Variants in DNAH9 observed in about 807,000 individuals in gnomAD.
DNAH9 encodes dynein axonemal heavy chain 9.
In DNAH9, 345 loss-of-function variants were observed where a neutral mutation model predicts 471.6. The ratio of observed to expected loss-of-function variants is 0.73; its 90% CI spans 0.67 to 0.80. The LOEUF is 0.80. DNAH9 is among the 30% of genes least tolerant of loss of function. The pLI, the probability that DNAH9 is intolerant of heterozygous loss-of-function variation, is 0.00. For missense variants in DNAH9, 5,407 were observed against 5,609.2 expected (o/e 0.96, Z 1.15); for synonymous variants, 2,093 against 2,123.6 (o/e 0.99, Z 0.40).
chr17:11,884,429 G>A (rs573509153), intron 56 of DNAH9: 10 of 336,372 alleles, frequency 3.0e-5, no homozygotes, highest in African/African-American at 8.6e-5. Context: ...TCAGTCTCGC[G>A]CTTGCATCAG....
Position 11,626,834 on chromosome 17 carries a change from T to C in DNAH9, c.1351-2583T>C, listed in dbSNP as rs2072978643. On this transcript the variant is annotated intron_variant, in intron 6 of 68. Transcript: ENST00000262442. This position sits in a 1 kb window ranked among gnomAD's most constrained non-coding sequence, Gnocchi z 4.3. Reference sequence around the variant, plus strand: ...AGGGTTCCTAGCTCCTCTATCACCTTGCTGCTTTTTTTTCTGGAAGTATTA... The same window carrying C: ...AGGGTTCCTAGCTCCTCTATCACCTCGCTGCTTTTTTTTCTGGAAGTATTA... 6.6e-6 allele frequency among the ~76,000 whole-genome samples: 1 copy of C among 152,150 alleles called. No homozygotes were observed. Among genetic ancestry groups the C allele is most frequent in the Non-Finnish European group, 1.5e-5 (1 of 68,028 alleles).
At chr17:11,755,400 C>T (rs1325718521) in intron 33 of DNAH9, among the ~76,000 whole-genome samples, 2 of 152,120 alleles carry the variant, frequency 1.3e-5, no homozygotes, top group Non-Finnish European at 2.9e-5. Context: ...TGAATCCATA[C>T]AGTGTTTTGG....
At chr17:11,963,668 A>T (rs191565630) in intron 68 of DNAH9, among the ~76,000 whole-genome samples, 26,431 of 151,748 alleles carry the variant, frequency 0.17, 2,381 homozygotes, top group Admixed American at 0.21. Context: ...AATTTTTTTT[A>T]AAAAAAAGAA....
At chr17:11,930,737 C>G (rs1179547954) in intron 63 of DNAH9, among the ~76,000 whole-genome samples, 2 of 140,386 alleles carry the variant, frequency 1.4e-5, no homozygotes, top group Admixed American at 7.9e-5. Flanking sequence ...TGCACTCCAG[C>G]CTGGGCGACA....
At position 11,757,574 on chromosome 17, in the gene DNAH9, G is replaced by A. The variant is rs548784649; in HGVS notation, c.6877G>A (p.Gly2293Arg). The A allele has an allele frequency of 1.3e-4, 212 of 1,613,786 alleles. No homozygotes were observed. Among genetic ancestry groups the A allele is most frequent in the Non-Finnish European group, 1.4e-4 (170 of 1,179,834 alleles). ...GILYINPADL[G>R]WNPPVSSWIE... ...CTTGTACATCAACCCGGCAGACTTGGGATGGAACCCTCCAGTGAGCAGCTG... is the reference window on the plus strand; with the variant it reads ...CTTGTACATCAACCCGGCAGACTTGAGATGGAACCCTCCAGTGAGCAGCTG... Residue 2293 changes from glycine (G) to arginine (R), a missense_variant, in exon 35 of 69, where the codon GGA becomes AGA. Around this residue, in one of 3 missense-constraint regions of DNAH9, gnomAD observed 4,636 missense variants for 4,900.3 expected, o/e 0.95. Transcript: ENST00000262442.
intron 66 of DNAH9, among the ~76,000 whole-genome samples, 173 bp from the exon 67 acceptor site, chr17:11,942,130 C>T (rs1157239999): frequency 1.3e-5 from 2 of 152,208 alleles, no homozygotes; most frequent in Admixed American, 6.5e-5. Context: ...TCAGTCAGTC[C>T]TCAGCCCTGA....
At chr17:11,870,607 G>A (rs541319262) in intron 51 of DNAH9, among the ~76,000 whole-genome samples, 1 of 152,296 alleles carries the variant, frequency 6.6e-6, no homozygotes, top group East Asian at 1.9e-4. Context: ...CCGTTTAGCT[G>A]AACAGTTCAG....
chr17:11,820,748 T>C (rs1190292765), intron 45 of DNAH9, among the ~76,000 whole-genome samples: 1 of 152,246 alleles, frequency 6.6e-6, no homozygotes, highest in East Asian at 1.9e-4. Flanking sequence ...TATTTTGCTA[T>C]CATTGCTATA....
chr17:11,911,547 T>A (rs1325917074), intron 61 of DNAH9, among the ~76,000 whole-genome samples: 3 of 152,220 alleles, frequency 2.0e-5, no homozygotes, highest in Admixed American at 6.5e-5. Flanking sequence ...TTCTGTTTGT[T>A]TCCCTCATTC....
intron 31 of DNAH9, 66 bp downstream of exon 31, chr17:11,745,150 C>A: frequency 7.6e-7 from 1 of 1,320,390 alleles, no homozygotes; most frequent in Non-Finnish European, 1.1e-6. Context: ...AATGGGTTAT[C>A]CTTCATCCAT....
chr17:11,658,889 T>C (rs1323527313), intron 14 of DNAH9, among the ~76,000 whole-genome samples: 1 of 152,242 alleles, frequency 6.6e-6, no homozygotes, highest in African/African-American at 2.4e-5. Flanking sequence ...TTATAGTATT[T>C]GCTCTGATAA....
intron 62 of DNAH9, among the ~76,000 whole-genome samples, chr17:11,927,561 G>A (rs12950241): frequency 0.24 from 37,182 of 152,122 alleles, 5,399 homozygotes; most frequent in Non-Finnish European, 0.33. Context: ...AGATCTGATG[G>A]TTGTAGGTGT....
At chr17:11,803,415 C>T (rs1969545885) in intron 43 of DNAH9, among the ~76,000 whole-genome samples, 1 of 152,188 alleles carries the variant, frequency 6.6e-6, no homozygotes, top group African/African-American at 2.4e-5. Context: ...CGCACACACG[C>T]ACATGCGTGT....
At chr17:11,603,598 C>T (rs1455488446) in intron 1 of DNAH9, among the ~76,000 whole-genome samples, 1 of 152,168 alleles carries the variant, frequency 6.6e-6, no homozygotes, top group Non-Finnish European at 1.5e-5. Context: ...CTCTTCTCCC[C>T]TGCATTCATA....
intron 26 of DNAH9, among the ~76,000 whole-genome samples, chr17:11,717,106 C>G (rs1183611955): frequency 2.6e-5 from 4 of 152,258 alleles, no homozygotes; most frequent in Admixed American, 2.6e-4. Context: ...CCCAACTTTT[C>G]ACCCTAACCC....
intron 17 of DNAH9, 84 bp downstream of exon 17, chr17:11,669,878 C>T: frequency 1.7e-6 from 2 of 1,192,734 alleles, no homozygotes; most frequent in Middle Eastern, 2.0e-4. Flanking sequence ...ATTTTTTCCC[C>T]ATGGGTATGT....
chr17:11,853,073 T>C (rs1191078367), intron 49 of DNAH9: 1 of 151,758 alleles, frequency 6.6e-6, no homozygotes, highest in East Asian at 1.9e-4. Flanking sequence ...AGGGAGCTCC[T>C]GCCTAGGAGA....
chr17:11,785,657 A>G (rs2150900396), intron 41 of DNAH9, among the ~76,000 whole-genome samples: 1 of 152,318 alleles, frequency 6.6e-6, no homozygotes, highest in Non-Finnish European at 1.5e-5. Flanking sequence ...AGTTCAGGAT[A>G]CCACTCCTGA....
intron 28 of DNAH9, among the ~76,000 whole-genome samples, chr17:11,732,514 C>T (rs973955136): frequency 1.3e-5 from 2 of 151,988 alleles, no homozygotes; most frequent in African/African-American, 4.8e-5. Flanking sequence ...TGCTCCTCTT[C>T]CCAGTAACTC....
Sources: allele counts gnomAD v4.1 joint callset (sites outside exome capture counted in the v4.1 genomes callset), GRCh38; gene constraint gnomAD v4.1.1; regional missense constraint gnomAD v4.1.1; non-coding constraint Gnocchi (gnomAD v3.1); transcripts MANE v1.5; gene names NCBI Gene and HGNC (gene_info 2026-07-23, HGNC 2026-07-21).